Variants in SYN3 observed in about 807,000 individuals in gnomAD.
SYN3 encodes the protein synapsin III.
Under a neutral mutation model 65.8 loss-of-function variants are expected in SYN3, and 35 were observed. That is an observed-to-expected ratio of 0.53 (90% CI 0.41 to 0.70). The LOEUF is 0.70. Among genes scored for constraint, SYN3 ranks in the 30% least tolerant of loss-of-function variants. The pLI is 0.00. For synonymous variants in SYN3, 270 were observed against 292.9 expected (o/e 0.92, Z 0.80); for missense variants, 680 against 749.0 (o/e 0.91, Z 1.08).
At chr22:32,996,250 G>A (rs993995417) in intron 2 of SYN3, among the ~76,000 whole-genome samples, 1 of 152,116 alleles carries the variant, frequency 6.6e-6, no homozygotes, top group African/African-American at 2.4e-5. Flanking sequence ...GGTTGCATAG[G>A]AAAGGCATAA....
chr22:32,710,075 G>GAACA (rs2060935626), intron 6 of SYN3, among the ~76,000 whole-genome samples: 1 of 131,378 alleles, frequency 7.6e-6, no homozygotes, highest in South Asian at 2.5e-4. Context: ...ATATATATAT[G>GAACA]CACACACACA....
At chr22:32,559,199 T>C (rs2058547759) in intron 7 of SYN3, among the ~76,000 whole-genome samples, 1 of 152,216 alleles carries the variant, frequency 6.6e-6, no homozygotes, top group South Asian at 2.1e-4. Flanking sequence ...AGATTTCAAC[T>C]ACGTCCGTCT....
intron 6 of SYN3, among the ~76,000 whole-genome samples, chr22:32,712,065 A>G (rs1029586479): frequency 5.9e-5 from 9 of 152,066 alleles, no homozygotes; most frequent in African/African-American, 2.2e-4. Context: ...CAGGCTAACA[A>G]CCTCACGAAG....
At chr22:32,790,441 A>ATTTATTT (rs1239113655) in intron 6 of SYN3, among the ~76,000 whole-genome samples, 1 of 42,624 alleles carries the variant, frequency 2.3e-5, no homozygotes, top group African/African-American at 7.2e-5. Flanking sequence ...TTTATTTATT[A>ATTTATTT]TTGAGACGGA....
intron 6 of SYN3, among the ~76,000 whole-genome samples, chr22:32,715,548 A>G (rs1381955098): frequency 7.2e-5 from 11 of 152,152 alleles, no homozygotes; most frequent in Admixed American, 7.2e-4. Flanking sequence ...TGGGAGGCCG[A>G]GGTGGGTGGA....
chr22:32,666,105 C>A (rs1224710964), intron 6 of SYN3, among the ~76,000 whole-genome samples: 1 of 152,146 alleles, frequency 6.6e-6, no homozygotes, highest in African/African-American at 2.4e-5. Context: ...AATCCTAAAG[C>A]CTCTACCTTC....
At chr22:32,514,889 G>A (rs139095961) in intron 13 of SYN3, among the ~76,000 whole-genome samples, 287 of 152,254 alleles carry the variant, frequency 1.9e-3, no homozygotes, top group African/African-American at 6.4e-3. Context: ...GGTGGCGTGC[G>A]CCTGTAGTCC....
rs1200899736 is a variant in SYN3 at position 32,605,677 on chromosome 22, C to A, written c.712-8941G>T. 2.6e-5 allele frequency among the ~76,000 whole-genome samples: 4 copies of A among 152,354 alleles called. No individual in the cohort carries two copies. The East Asian group carries it at 5.8e-4, about 22-fold the overall frequency. On this transcript the variant is annotated intron_variant, in intron 6 of 13. Transcript: ENST00000358763. ...ATTCAGCCAGAGCCACCCGCCCCTG[C>A]TCCCTCCTGCATGGTGCCGCCTCTG...
At chr22:32,856,380 A>G (rs1386295321) in intron 6 of SYN3, among the ~76,000 whole-genome samples, 1 of 152,004 alleles carries the variant, frequency 6.6e-6, no homozygotes, top group East Asian at 1.9e-4. Flanking sequence ...AGTCAAGAGG[A>G]TCGGTGGCTT....
intron 6 of SYN3, among the ~76,000 whole-genome samples, chr22:32,667,749 G>T (rs2060308135): frequency 6.6e-6 from 1 of 151,934 alleles, no homozygotes; most frequent in South Asian, 2.1e-4. Flanking sequence ...CGGGAAAGAA[G>T]AGGATCGGGG....
At chr22:32,900,483 T>C (rs1229235463) in intron 4 of SYN3, among the ~76,000 whole-genome samples, 1 of 152,206 alleles carries the variant, frequency 6.6e-6, no homozygotes, top group Non-Finnish European at 1.5e-5. Flanking sequence ...TGCCAGGTGT[T>C]CTTCTAAGGG....
rs369812833 is a variant in SYN3 at position 32,909,072 on chromosome 22, C to T, written c.461+22318G>A. 2.2e-4 allele frequency among the ~76,000 whole-genome samples: 34 copies of T among 152,252 alleles called. No homozygotes were observed. The East Asian group carries it at 3.7e-3, about 16-fold the overall frequency. On this transcript the variant is annotated intron_variant, in intron 4 of 13. Coordinates refer to ENST00000358763, the MANE Select transcript of SYN3 (RefSeq NM_003490.4). ...CATTCATTCATTCAGTCAACATTTA[C>T]GAAGCCCCTTCCCTGGACTAGGCGG...
intron 3 of SYN3, 80 bp from the exon 4 acceptor site, chr22:32,931,561 G>A (rs1242386843): frequency 5.3e-6 from 5 of 939,686 alleles, no homozygotes; most frequent in East Asian, 2.4e-5. Context: ...TGGGTACTTA[G>A]AGGTACAAAG....
chr22:32,513,849 G>C, intron 13 of SYN3, 25 bp from the exon 14 acceptor site: 1 of 1,613,868 alleles, frequency 6.2e-7, no homozygotes, highest in Non-Finnish European at 8.5e-7. Context: ...CAAGGGGGTT[G>C]AGGAAGACAA....
intron 4 of SYN3, among the ~76,000 whole-genome samples, chr22:32,896,753 C>A (rs2049603386): frequency 1.3e-5 from 2 of 152,184 alleles, no homozygotes; most frequent in African/African-American, 4.8e-5. Flanking sequence ...CATATGTGAT[C>A]TCATTTTGGC....
intron 6 of SYN3, among the ~76,000 whole-genome samples, chr22:32,654,442 C>A (rs1042752056): frequency 3.9e-5 from 6 of 152,204 alleles, no homozygotes; most frequent in Non-Finnish European, 7.3e-5. Flanking sequence ...CCTCCAAAGC[C>A]TCCTGTGGTC....
chr22:32,688,187 C>A (rs2060617156), intron 6 of SYN3, among the ~76,000 whole-genome samples: 2 of 152,176 alleles, frequency 1.3e-5, no homozygotes, highest in South Asian at 4.1e-4. Context: ...TTCAACCCCA[C>A]TTCCATGTTG....
At chr22:32,932,987 A>C (rs1184431300) in intron 3 of SYN3, among the ~76,000 whole-genome samples, 1 of 152,134 alleles carries the variant, frequency 6.6e-6, no homozygotes, top group Non-Finnish European at 1.5e-5. Context: ...TCCTGTTCTT[A>C]TAAGGACACC....
chr22:32,579,547 T>C (rs2058905008), intron 7 of SYN3, among the ~76,000 whole-genome samples: 2 of 152,162 alleles, frequency 1.3e-5, no homozygotes, highest in African/African-American at 4.8e-5. Context: ...TACTATCACA[T>C]TGGGTATTAG....
Sources: gnomAD v4.1 joint callset for allele counts (sites outside exome capture counted in the v4.1 genomes callset) on GRCh38, gnomAD v4.1.1 for gene constraint, MANE v1.5 for transcripts, NCBI Gene and HGNC (gene_info 2026-07-23, HGNC 2026-07-21) for gene names.